ADGB: variants seen among roughly 807,000 people sequenced by gnomAD.
The protein encoded by ADGB is androglobin, also known as calpain-7-like protein.
Under a neutral mutation model 210.5 loss-of-function variants are expected in ADGB, and 172 were observed. The ratio of observed to expected loss-of-function variants is 0.82; its 90% CI spans 0.72 to 0.93. The LOEUF (loss-of-function observed/expected upper bound fraction) is 0.93. ADGB is among the 40% of genes least tolerant of loss of function. The probability of loss-of-function intolerance (pLI) is 0.00; values close to 1 mark genes in which losing one functional copy is unlikely to be tolerated. For synonymous variants in ADGB, 658 were observed against 662.7 expected, an observed-to-expected ratio of 0.99 and a Z score of 0.11; for missense variants, 2,025 against 1,964.8, an observed-to-expected ratio of 1.03 and a Z score of -0.58.
chr6:146,602,007 T>A (rs1655814276), intron 1 of ADGB, among the ~76,000 whole-genome samples: 1 of 152,210 alleles, frequency 6.6e-6, no homozygotes, highest in Non-Finnish European at 1.5e-5. Flanking sequence ...TACGGTAGAA[T>A]CATCTATGTT....
At chr6:146,716,711 T>G (rs921874361) in intron 14 of ADGB, among the ~76,000 whole-genome samples, 172 bp from the exon 15 acceptor site, 3 of 152,130 alleles carry the variant, frequency 2.0e-5, no homozygotes, top group Non-Finnish European at 4.4e-5. Flanking sequence ...TTCTCCTTTG[T>G]GTATGAAATG....
At position 146,599,367 on chromosome 6, in the gene ADGB, TGCCAC is replaced by T. The variant is rs565449730; in HGVS notation, c.74+254_74+258del. Among the ~76,000 whole-genome samples, 15 of 152,312 alleles carry T rather than the reference TGCCAC, an allele frequency of 9.8e-5. No homozygotes were observed. In the South Asian group the frequency reaches 2.9e-3, roughly 29 times the overall value. On this transcript the variant is annotated intron_variant, in intron 1 of 35. Transcript: ENST00000397944. ...GGTGTTCAGCTCCCATGGGTGAATC[TGCCAC>T]CCCTCCTCTTCTTCATAGCCCTCTC...
intron 27 of ADGB, among the ~76,000 whole-genome samples, chr6:146,761,704 A>G (rs1021928665): frequency 1.3e-5 from 2 of 152,126 alleles, no homozygotes; most frequent in African/African-American, 4.8e-5. Context: ...CTAAAAATAC[A>G]TACTCTATGC....
chr6:146,700,561 A>C (rs999285998), intron 12 of ADGB, among the ~76,000 whole-genome samples: 14 of 152,164 alleles, frequency 9.2e-5, no homozygotes, highest in African/African-American at 3.4e-4. Context: ...TTATAAACTT[A>C]AGTGCTCAAG....
At chr6:146,618,487 A>G (rs1318060812) in intron 1 of ADGB, among the ~76,000 whole-genome samples, 1 of 151,832 alleles carries the variant, frequency 6.6e-6, no homozygotes, top group Non-Finnish European at 1.5e-5. Flanking sequence ...TTTTTTGATG[A>G]AAGTGTTTAT....
chr6:146,724,739 A>C (rs539226267), intron 18 of ADGB: 1 of 152,390 alleles, frequency 6.6e-6, no homozygotes, highest in South Asian at 2.1e-4. Flanking sequence ...ATTTAAATGC[A>C]AATTGAGAAA....
At chr6:146,673,973 A>T (rs940336532) in intron 8 of ADGB, among the ~76,000 whole-genome samples, 2 of 152,214 alleles carry the variant, frequency 1.3e-5, no homozygotes, top group African/African-American at 4.8e-5. Flanking sequence ...GGTTGGTACA[A>T]AATGACGAGC....
intron 25 of ADGB, among the ~76,000 whole-genome samples, chr6:146,745,350 C>A (rs142225236): frequency 5.8e-4 from 88 of 152,226 alleles, no homozygotes; most frequent in Admixed American, 2.2e-3. Flanking sequence ...CAAGCTCTTC[C>A]CCATCATAAA....
chr6:146,600,163 A>G (rs1247130202), intron 1 of ADGB, among the ~76,000 whole-genome samples: 2 of 152,114 alleles, frequency 1.3e-5, no homozygotes, highest in Non-Finnish European at 2.9e-5. Context: ...GTTACCCGGC[A>G]GATAATCCAT....
chr6:146,609,695 C>T (rs1780679358), intron 1 of ADGB, among the ~76,000 whole-genome samples: 1 of 152,100 alleles, frequency 6.6e-6, no homozygotes, highest in South Asian at 2.1e-4. Context: ...ATTTCTACTT[C>T]AGTTATGAAG....
At chr6:146,783,902 A>G (rs913231628) in intron 30 of ADGB, among the ~76,000 whole-genome samples, 3 of 152,214 alleles carry the variant, frequency 2.0e-5, no homozygotes, top group Non-Finnish European at 4.4e-5. Flanking sequence ...TTTCATGATG[A>G]ATATGTAGCA....
At chr6:146,802,827 C>T (rs1418775277) in intron 35 of ADGB, 3 of 1,609,238 alleles carry the variant, frequency 1.9e-6, no homozygotes, top group Admixed American at 1.7e-5. Context: ...GCATCTACAT[C>T]CTTAGCTATA....
intron 33 of ADGB, among the ~76,000 whole-genome samples, chr6:146,790,920 A>C (rs1310781642): frequency 6.6e-6 from 1 of 152,150 alleles, no homozygotes; most frequent in Non-Finnish European, 1.5e-5. Flanking sequence ...TGTGGTTTTA[A>C]CGTGCATTTT....
intron 34 of ADGB, 88 bp from the exon 35 acceptor site, chr6:146,801,740 A>G (rs1778137104): frequency 8.7e-7 from 1 of 1,149,332 alleles, no homozygotes; most frequent in Non-Finnish European, 1.2e-6. Context: ...CACTGTTGAT[A>G]TGATTTAAAA....
intron 12 of ADGB, among the ~76,000 whole-genome samples, chr6:146,697,483 A>G (rs1182347190): frequency 6.6e-6 from 1 of 152,186 alleles, no homozygotes; most frequent in African/African-American, 2.4e-5. Context: ...TAGAAATTCT[A>G]GAAGCAAGGA....
At chr6:146,805,130 T>C (rs925289732) in intron 35 of ADGB, among the ~76,000 whole-genome samples, 21 of 152,178 alleles carry the variant, frequency 1.4e-4, no homozygotes, top group African/African-American at 4.3e-4. Context: ...GGAGCTTCCA[T>C]AGAGACACCT....
At chr6:146,630,205 C>G (rs1040855573) in intron 1 of ADGB, among the ~76,000 whole-genome samples, 1 of 151,982 alleles carries the variant, frequency 6.6e-6, no homozygotes, top group South Asian at 2.1e-4. Flanking sequence ...CCATTGCACT[C>G]CAGCCTGGGT....
intron 1 of ADGB, among the ~76,000 whole-genome samples, chr6:146,606,613 A>G (rs530878252): frequency 2.0e-5 from 3 of 152,214 alleles, no homozygotes; most frequent in Non-Finnish European, 4.4e-5. Context: ...TCAATCTCCT[A>G]TAGATGGCTG....
intron 27 of ADGB, among the ~76,000 whole-genome samples, chr6:146,756,705 A>T (rs759691023): frequency 5.3e-5 from 8 of 150,504 alleles, no homozygotes; most frequent in Non-Finnish European, 1.0e-4. Flanking sequence ...AGTACTACCC[A>T]CTCGACATCA....
Sources: gnomAD v4.1 joint callset for allele counts (sites outside exome capture counted in the v4.1 genomes callset) on GRCh38, gnomAD v4.1.1 for gene constraint, MANE v1.5 for transcripts, NCBI Gene and HGNC (gene_info 2026-07-23, HGNC 2026-07-21) for gene names.